DGKB: variants seen among roughly 807,000 people sequenced by gnomAD.
DGKB encodes 90 kDa diacylglycerol kinase.
A neutral mutation model predicts 114.3 loss-of-function variants in DGKB; 67 were observed. That is an observed-to-expected ratio of 0.59 (90% CI 0.48 to 0.72). DGKB has a LOEUF of 0.72. Ranked by LOEUF, DGKB falls within the 30% of genes least tolerant of loss-of-function variation. The pLI is 0.00. For synonymous variants in DGKB, 398 were observed against 323.1 expected, an observed-to-expected ratio of 1.23 and a Z score of -2.49; for missense variants, 907 against 975.2, an observed-to-expected ratio of 0.93 and a Z score of 0.93.
intron 21 of DGKB, among the ~76,000 whole-genome samples, chr7:14,355,538 T>C (rs1349441254): frequency 1.3e-5 from 2 of 152,196 alleles, no homozygotes; most frequent in Non-Finnish European, 2.9e-5. Flanking sequence ...GAGATAATCA[T>C]GTGGTTTTTG....
At chr7:14,706,434 A>T (rs904995166) in intron 6 of DGKB, among the ~76,000 whole-genome samples, 2 of 149,518 alleles carry the variant, frequency 1.3e-5, no homozygotes, top group Non-Finnish European at 3.0e-5. Context: ...AAGGATACCC[A>T]GGAATTGAAC....
intron 18 of DGKB, among the ~76,000 whole-genome samples, chr7:14,582,068 A>G (rs576299181): frequency 6.6e-6 from 1 of 152,212 alleles, no homozygotes; most frequent in Non-Finnish European, 1.5e-5. Context: ...CATAGACAGA[A>G]TGTTTTCTGC....
chr7:14,314,336 G>C (rs553654676), intron 23 of DGKB, among the ~76,000 whole-genome samples: 1 of 152,102 alleles, frequency 6.6e-6, no homozygotes, highest in Non-Finnish European at 1.5e-5. Flanking sequence ...ATTACTCTGA[G>C]CTACGGGAGG....
chr7:14,192,058 T>C, intron 23 of DGKB: 1 of 444,146 alleles, frequency 2.3e-6, no homozygotes, highest in South Asian at 1.7e-5. Context: ...AGACAGATAG[T>C]CGCTGTGGGT....
chr7:14,681,911 C>G lies in DGKB; in HGVS notation c.1035+642G>C, dbSNP rs1051554483. Among the ~76,000 whole-genome samples the G allele has an allele frequency of 5.3e-5, 8 of 152,042 alleles. No individual in the cohort carries two copies. In the East Asian group the frequency reaches 1.4e-3, roughly 26 times the overall value. On this transcript the variant is annotated intron_variant, in intron 12 of 25. Coordinates refer to ENST00000402815, the MANE Select transcript of DGKB (RefSeq NM_001350709.2). ...GCATTTACATCAGTCTCTCTTATACCCCAATGCATGATTTAACTGAAAGAG... is the reference window on the plus strand; with the variant it reads ...GCATTTACATCAGTCTCTCTTATACGCCAATGCATGATTTAACTGAAAGAG...
chr7:14,704,262 C>T (rs573910826), intron 6 of DGKB, among the ~76,000 whole-genome samples: 8 of 143,962 alleles, frequency 5.6e-5, no homozygotes, highest in Non-Finnish European at 9.0e-5. Flanking sequence ...GGTGAAACCC[C>T]GTCTCTACTA....
At chr7:14,292,343 G>C (rs887475586) in intron 23 of DGKB, among the ~76,000 whole-genome samples, 2 of 152,076 alleles carry the variant, frequency 1.3e-5, no homozygotes, top group Non-Finnish European at 2.9e-5. Context: ...TGTGGAACAA[G>C]GTGAGGCTGC....
At chr7:14,973,512 G>C (rs953488133) in intron 1 of DGKB, among the ~76,000 whole-genome samples, 1 of 130,412 alleles carries the variant, frequency 7.7e-6, no homozygotes, top group Non-Finnish European at 1.7e-5. Context: ...TGTTTTGTTT[G>C]TTTTTTGTTT....
At chr7:14,669,443 A>G (rs1259527595) in intron 13 of DGKB, among the ~76,000 whole-genome samples, 1 of 152,116 alleles carries the variant, frequency 6.6e-6, no homozygotes, top group Non-Finnish European at 1.5e-5. Context: ...CTGTTGGTGA[A>G]GTTCTGTCCC....
chr7:14,522,032 T>A (rs1789859364), intron 20 of DGKB, among the ~76,000 whole-genome samples: 1 of 152,194 alleles, frequency 6.6e-6, no homozygotes, highest in African/African-American at 2.4e-5. Flanking sequence ...TCTTTATTTT[T>A]AAGCTTTGCG....
intron 2 of DGKB, among the ~76,000 whole-genome samples, chr7:14,829,193 A>G (rs920458109): frequency 2.0e-5 from 3 of 152,062 alleles, no homozygotes; most frequent in Admixed American, 6.6e-5. Context: ...AAGGCGCCCC[A>G]CCTTCTGCTA....
chr7:14,745,145 C>T (rs1038544554), intron 4 of DGKB, among the ~76,000 whole-genome samples: 1 of 152,122 alleles, frequency 6.6e-6, no homozygotes, highest in Admixed American at 6.5e-5. Flanking sequence ...TGGGATTTTT[C>T]AGCTGCCCTT....
chr7:14,386,549 T>C (rs959411625), intron 21 of DGKB, among the ~76,000 whole-genome samples: 4 of 152,192 alleles, frequency 2.6e-5, no homozygotes, highest in African/African-American at 9.7e-5. Context: ...GACACTACCA[T>C]GTGCCAGTTG....
At position 14,243,692 on chromosome 7, in the gene DGKB, TC is replaced by T. The variant is rs199805584; in HGVS notation, c.2123-65542del. 2.6e-5 allele frequency among the ~76,000 whole-genome samples: 4 copies of T among 152,246 alleles called. No individual in the cohort carries two copies. The East Asian group carries it at 7.8e-4, about 30-fold the overall frequency. On this transcript the variant is annotated intron_variant, in intron 23 of 25. Transcript: ENST00000402815. ...CCACTGCATCCAATAAATAAAAATC[TC>T]TCCTCTTAATATTACCTCTATTCTC... is the stretch of plus-strand genomic sequence containing the variant.
chr7:14,857,706 A>G (rs1850390645), intron 1 of DGKB, among the ~76,000 whole-genome samples: 1 of 151,924 alleles, frequency 6.6e-6, no homozygotes, highest in Admixed American at 6.6e-5. Context: ...TTCTATTGGG[A>G]TGCTTTCCTT....
intron 1 of DGKB, among the ~76,000 whole-genome samples, chr7:14,899,956 A>T (rs1186179586): frequency 6.6e-6 from 1 of 152,062 alleles, no homozygotes; most frequent in East Asian, 1.9e-4. Flanking sequence ...TGCTTTCAGA[A>T]ATTTGTTTAT....
chr7:14,460,722 C>G (rs570239749), intron 21 of DGKB, among the ~76,000 whole-genome samples: 2 of 152,142 alleles, frequency 1.3e-5, no homozygotes, highest in Non-Finnish European at 2.9e-5. Flanking sequence ...CAAGAGTATT[C>G]AGGACTTGAA....
At chr7:14,958,367 T>G (rs1407563576) in intron 1 of DGKB, among the ~76,000 whole-genome samples, 2 of 150,450 alleles carry the variant, frequency 1.3e-5, no homozygotes, top group Non-Finnish European at 2.9e-5. Context: ...AGACAGTGAA[T>G]GTGTTACACA....
intron 2 of DGKB, among the ~76,000 whole-genome samples, chr7:14,776,995 C>T (rs75059770): frequency 0.032 from 4,831 of 152,300 alleles, 164 homozygotes; most frequent in Admixed American, 0.099. Context: ...TGTGAGTCCA[C>T]CTCTTGCATC....
Sources: allele counts gnomAD v4.1 joint callset (sites outside exome capture counted in the v4.1 genomes callset), GRCh38; gene constraint gnomAD v4.1.1; transcripts MANE v1.5; gene names NCBI Gene and HGNC (gene_info 2026-07-23, HGNC 2026-07-21).